Variants in MBD2 observed in about 807,000 individuals in gnomAD.
MBD2 encodes the protein methyl-CpG binding domain protein 2, also known as methyl-CpG-binding domain protein 2.
Under a neutral mutation model 39.3 loss-of-function variants are expected in MBD2, and 9 were observed. The observed-to-expected ratio is 0.23, with a 90% CI of 0.14 to 0.40. MBD2 has a LOEUF of 0.40. Ranked by LOEUF, MBD2 falls within the 10% of genes least tolerant of loss-of-function variation. The pLI is 1.00. For synonymous variants in MBD2, 233 were observed against 211.1 expected, an observed-to-expected ratio of 1.10 and a Z score of -0.90; for missense variants, 458 against 532.6, an observed-to-expected ratio of 0.86 and a Z score of 1.38.
rs942123954 is a variant in MBD2 at position 54,153,777 on chromosome 18, T to C, written c.*1547A>G. On this transcript the variant is annotated 3_prime_UTR_variant, in exon 7 of 7. Coordinates refer to ENST00000256429, the MANE Select transcript of MBD2 (RefSeq NM_003927.5). ...CAATTGGCTTCCCAGGGTCTACAAGTTTCCCTGCTCATCCACCAGCAGGAC... is the reference window on the plus strand; with the variant it reads ...CAATTGGCTTCCCAGGGTCTACAAGCTTCCCTGCTCATCCACCAGCAGGAC... The C allele has an allele frequency of 6.6e-6, 1 of 152,196 alleles. No homozygotes were observed. Among genetic ancestry groups the C allele is most frequent in the Non-Finnish European group, 1.5e-5 (1 of 68,058 alleles). 9.4% of individuals were successfully genotyped at this position (152,196 alleles called of 1,614,324 possible). A position where few individuals can be genotyped will look rare whatever the true frequency, so the allele number is the denominator to read the frequency against.
chr18:54,166,680 A>G (rs942900396), intron 3 of MBD2, among the ~76,000 whole-genome samples: 9 of 152,298 alleles, frequency 5.9e-5, no homozygotes, highest in South Asian at 4.1e-4. Flanking sequence ...AGTTTTCTAA[A>G]ATGTTTTAGA....
rs540177857 is a variant in MBD2 at position 54,173,725 on chromosome 18, T to C, written c.841-7559A>G. On this transcript the variant is annotated intron_variant, in intron 3 of 6. Coordinates refer to ENST00000256429, the MANE Select transcript of MBD2 (RefSeq NM_003927.5). ...GGAGGAACAGAATCACTACTAAGGCTCTCCATGGTGGAGCAGTATTAGTAA... is the reference window on the plus strand; with the variant it reads ...GGAGGAACAGAATCACTACTAAGGCCCTCCATGGTGGAGCAGTATTAGTAA... Among the ~76,000 whole-genome samples, 4 of 152,122 alleles carry C rather than the reference T, an allele frequency of 2.6e-5. No homozygotes were observed. The East Asian group carries it at 5.8e-4, about 22-fold the overall frequency.
At chr18:54,203,045 G>T in intron 2 of MBD2, 2 of 1,361,602 alleles carry the variant, frequency 1.5e-6, no homozygotes, top group Non-Finnish European at 2.1e-6. Flanking sequence ...CAGCGTATGA[G>T]CAAGCAGAGT....
rs112809245 is a variant in MBD2, at chr18:54,217,209, A to G, written c.542+6809T>C. Reference sequence around the variant, plus strand: ...GTTCAATTTTAAAATCTAATTTTAAATTTTATTATTTATATTCACATAGAG... The same window carrying G: ...GTTCAATTTTAAAATCTAATTTTAAGTTTTATTATTTATATTCACATAGAG... On this transcript the variant is annotated intron_variant, in intron 1 of 6. Transcript: ENST00000256429. Among the ~76,000 whole-genome samples the G allele has an allele frequency of 4.6e-3, 702 of 152,330 alleles. 9 individuals are homozygous for G. The highest frequency in any genetic ancestry group is 0.016 in the African/African-American group (659 of 41,564).
chr18:54,185,051 T>C (rs2086276187), intron 3 of MBD2, among the ~76,000 whole-genome samples: 1 of 152,224 alleles, frequency 6.6e-6, no homozygotes, highest in South Asian at 2.1e-4. Context: ...ATGCCTGAAA[T>C]AGTAACCCTC....
At chr18:54,194,152 A>G (rs2086345440) in intron 2 of MBD2, among the ~76,000 whole-genome samples, 1 of 152,096 alleles carries the variant, frequency 6.6e-6, no homozygotes, top group African/African-American at 2.4e-5. Context: ...CCTGCATTTT[A>G]AAGTCAGCAA....
chr18:54,208,134 G>A (rs1240317263), intron 1 of MBD2, among the ~76,000 whole-genome samples: 5 of 152,070 alleles, frequency 3.3e-5, no homozygotes, highest in South Asian at 4.2e-4. Context: ...ATTGGTAAAC[G>A]ACATTCTGAT....
chr18:54,176,510 G>A (rs1270963211), intron 3 of MBD2, among the ~76,000 whole-genome samples: 4 of 152,064 alleles, frequency 2.6e-5, no homozygotes, highest in African/African-American at 4.8e-5. Flanking sequence ...CATAATTGTC[G>A]ATTAAAGCAA....
intron 1 of MBD2, among the ~76,000 whole-genome samples, chr18:54,221,080 G>T (rs910878518): frequency 2.0e-5 from 3 of 152,176 alleles, no homozygotes; most frequent in African/African-American, 7.2e-5. Context: ...CCCAGAAAAA[G>T]ACTTTCATTT....
intron 1 of MBD2, among the ~76,000 whole-genome samples, chr18:54,208,457 A>C (rs1358707850): frequency 6.6e-6 from 1 of 152,170 alleles, no homozygotes; most frequent in Non-Finnish European, 1.5e-5. Flanking sequence ...GCGCCACTAC[A>C]CTCCAGCCTG....
At chr18:54,201,829 C>T (rs2086410322) in intron 2 of MBD2, among the ~76,000 whole-genome samples, 1 of 150,042 alleles carries the variant, frequency 6.7e-6, no homozygotes, top group Non-Finnish European at 1.5e-5. Flanking sequence ...CACCACTGCA[C>T]TCCAGCCTGG....
At chr18:54,178,771 C>G (rs1490368408) in intron 3 of MBD2, among the ~76,000 whole-genome samples, 1 of 152,068 alleles carries the variant, frequency 6.6e-6, no homozygotes, top group African/African-American at 2.4e-5. Context: ...CTCCCCAATA[C>G]CTCATTCCAC....
At chr18:54,172,353 G>A (rs2086184225) in intron 3 of MBD2, among the ~76,000 whole-genome samples, 2 of 152,116 alleles carry the variant, frequency 1.3e-5, no homozygotes, top group African/African-American at 4.8e-5. Flanking sequence ...GTTATTTGGT[G>A]GATAGAAATT....
chr18:54,175,163 T>G (rs1417341698), intron 3 of MBD2, among the ~76,000 whole-genome samples: 1 of 152,246 alleles, frequency 6.6e-6, no homozygotes, highest in Non-Finnish European at 1.5e-5. Context: ...CAAAGTGAAC[T>G]GACCAGAGGA....
At chr18:54,207,516 G>T (rs1264946486) in intron 1 of MBD2, among the ~76,000 whole-genome samples, 1 of 152,048 alleles carries the variant, frequency 6.6e-6, no homozygotes, top group Non-Finnish European at 1.5e-5. Context: ...CTTTCTGAGA[G>T]CAAAAAACGT....
chr18:54,166,824 C>G (rs191857379), intron 3 of MBD2, among the ~76,000 whole-genome samples: 21 of 152,320 alleles, frequency 1.4e-4, no homozygotes, highest in African/African-American at 5.1e-4. Flanking sequence ...CTGAGTGGCT[C>G]CTCGTGCCCT....
At chr18:54,204,521 G>A (rs80352003) in intron 2 of MBD2, among the ~76,000 whole-genome samples, 28 of 152,106 alleles carry the variant, frequency 1.8e-4, no homozygotes, top group Middle Eastern at 3.4e-3. Flanking sequence ...AAGCGCTAAC[G>A]GAAAAATATC....
intron 1 of MBD2, among the ~76,000 whole-genome samples, chr18:54,207,609 C>T (rs969405085): frequency 6.6e-6 from 1 of 152,046 alleles, no homozygotes; most frequent in Non-Finnish European, 1.5e-5. Flanking sequence ...AGTTATATGG[C>T]AAAGAATTTT....
rs949024403 is a variant in MBD2 at position 54,224,214 on chromosome 18, T to A, written c.346A>T (p.Ser116Cys). The change falls in exon 1 of 7, where the codon AGC becomes TGC. Residue 116 changes from serine to cysteine, a missense_variant. Around this residue, in one of 2 missense-constraint regions of MBD2, gnomAD observed 269 missense variants for 236.0 expected, o/e 1.14. Transcript: ENST00000256429. ...CGCCGGGGGGCGCCGCCGCCACCGCTGCCGCCGCCGCCGCAGCCGCCGCCG... is the reference window on the plus strand; with the variant it reads ...CGCCGGGGGGCGCCGCCGCCACCGCAGCCGCCGCCGCCGCAGCCGCCGCCG... ...GDGGGCGGGG[S>C]GGGGAPRREP... 1.4e-5 allele frequency: 16 copies of A among 1,121,452 alleles called. No homozygotes were observed. The highest frequency in any genetic ancestry group is 1.3e-4 in the African/African-American group (8 of 59,954). 69.5% of individuals were successfully genotyped at this position (1,121,452 alleles called of 1,614,324 possible).
Sources: gnomAD v4.1 joint callset for allele counts (sites outside exome capture counted in the v4.1 genomes callset) on GRCh38, gnomAD v4.1.1 for gene constraint, gnomAD v4.1.1 regional missense constraint, MANE v1.5 for transcripts, NCBI Gene and HGNC (gene_info 2026-07-23, HGNC 2026-07-21) for gene names.